Variants in EDA observed in about 807,000 individuals in gnomAD.
The protein encoded by EDA is ectodysplasin-A.
Under a neutral mutation model 23.6 loss-of-function variants are expected in EDA, and 2 were observed. The observed-to-expected ratio is 0.08, with a 90% confidence interval of 0.03 to 0.27. The LOEUF (loss-of-function observed/expected upper bound fraction) is 0.27. Ranked by LOEUF, EDA falls within the 10% of genes least tolerant of loss-of-function variation. EDA has a pLI of 1.00. For synonymous variants in EDA, 131 were observed against 132.0 expected (o/e 0.99, Z 0.05); for missense variants, 229 against 324.2 (o/e 0.71, Z 2.26).
At chrX:69,746,643 G>C (rs1404936590) in intron 1 of EDA, among the ~76,000 whole-genome samples, 1 of 111,483 alleles carries the variant, frequency 9.0e-6, no homozygotes, top group African/African-American at 3.3e-5. Context: ...GTGTTTTACA[G>C]TGAGGGAGAG....
At chrX:69,869,281 C>A (rs1452610772) in intron 1 of EDA, among the ~76,000 whole-genome samples, 1 of 110,885 alleles carries the variant, frequency 9.0e-6, no homozygotes, top group Non-Finnish European at 1.9e-5. Context: ...AGCTAAAACT[C>A]CATTGATTAC....
Position 69,789,114 on chromosome X carries a change from G to T in EDA, c.397-167913G>T, listed in dbSNP as rs190472783. Reference sequence around the variant, plus strand: ...GAAAGGGAACTCCCTGACCCCTTGCGCTTCCCAAGTGAGGCAATGCCTCGC... The same window carrying T: ...GAAAGGGAACTCCCTGACCCCTTGCTCTTCCCAAGTGAGGCAATGCCTCGC... On this transcript the variant is annotated intron_variant, in intron 1 of 7. Transcript: ENST00000374552. Among the ~76,000 whole-genome samples the T allele has an allele frequency of 4.5e-5, 5 of 112,223 alleles. No individual in the cohort carries two copies. In the South Asian group the frequency reaches 1.1e-3, roughly 25 times the overall value.
intron 1 of EDA, among the ~76,000 whole-genome samples, chrX:69,720,966 A>G (rs2012556595): frequency 9.0e-6 from 1 of 111,328 alleles, no homozygotes; most frequent in Admixed American, 9.5e-5. Flanking sequence ...ATGTTAGGTG[A>G]CTTTGGATCT....
In EDA at chrX:69,966,081, G is replaced by T. The variant is rs1209276395; in HGVS notation, c.502+8949G>T. ...AAAATAAATAAAATGGTCATGATAT[G>T]CCATTTTCTACTCATTACCTAAATA... On this transcript the variant is annotated intron_variant, in intron 2 of 7. Transcript: ENST00000374552. Among the ~76,000 whole-genome samples the T allele has an allele frequency of 5.4e-5, 6 of 111,712 alleles. No individual in the cohort carries two copies. The Admixed American group carries it at 5.7e-4, about 11-fold the overall frequency.
chrX:69,912,590 T>C (rs1226456061), intron 1 of EDA, among the ~76,000 whole-genome samples: 1 of 111,192 alleles, frequency 9.0e-6, no homozygotes, highest in East Asian at 2.8e-4. Context: ...TGACCAGGCA[T>C]ATTGTCCATG....
Position 69,929,706 on chromosome X carries a change from TTGTGTGTGTG to T in EDA, c.397-27282_397-27273del, listed in dbSNP as rs4007701. Among the ~76,000 whole-genome samples, 150 of 84,334 alleles carry T rather than the reference TTGTGTGTGTG, an allele frequency of 1.8e-3. 1 individual carries two copies. The highest frequency in any genetic ancestry group is 5.9e-3 in the African/African-American group (132 of 22,255). The allele number at this position is 84,334 out of a possible 115,157, so 73.2% of individuals were successfully genotyped here. A position where few individuals can be genotyped will look rare whatever the true frequency, so the allele number is the denominator to read the frequency against. ...GAAAACACTTCACTTCATTCTATTT[TTGTGTGTGTG>T]TGTGTGTGTGTGTGTGTGTGTGTGT... On this transcript the variant is annotated intron_variant, in intron 1 of 7. Coordinates refer to ENST00000374552, the MANE Select transcript of EDA (RefSeq NM_001399.5).
At chrX:70,023,914 G>A (rs1478122579) in intron 3 of EDA, among the ~76,000 whole-genome samples, 1 of 111,710 alleles carries the variant, frequency 9.0e-6, no homozygotes, top group Admixed American at 9.5e-5. Flanking sequence ...TGCCGTTGTT[G>A]GGTCAGTAAG....
At chrX:69,850,022 A>T (rs899535050) in intron 1 of EDA, among the ~76,000 whole-genome samples, 1 of 112,159 alleles carries the variant, frequency 8.9e-6, no homozygotes, top group African/African-American at 3.2e-5. Context: ...GTACATAATG[A>T]TTAATGATGT....
At chrX:70,034,832 G>T (rs779214658) in intron 7 of EDA, among the ~76,000 whole-genome samples, 35 of 111,975 alleles carry the variant, frequency 3.1e-4, no homozygotes, top group African/African-American at 1.1e-3. Flanking sequence ...GGGAGTCCAG[G>T]CCCAGGGGAG....
chrX:69,808,891 A>G (rs1315539806), intron 1 of EDA, among the ~76,000 whole-genome samples: 2 of 112,057 alleles, frequency 1.8e-5, no homozygotes. Context: ...GCAGTAGCCC[A>G]CTGTTAAGTG....
At chrX:69,722,159 A>G (rs907167551) in intron 1 of EDA, among the ~76,000 whole-genome samples, 1 of 110,222 alleles carries the variant, frequency 9.1e-6, no homozygotes. Flanking sequence ...TCTTCAACTC[A>G]TGTTTTCTGT....
At chrX:69,916,909 G>C (rs1224115630) in intron 1 of EDA, among the ~76,000 whole-genome samples, 2 of 110,035 alleles carry the variant, frequency 1.8e-5, no homozygotes, top group African/African-American at 3.3e-5. Flanking sequence ...TTGTTCTCCT[G>C]GTCCTACAAC....
intron 1 of EDA, among the ~76,000 whole-genome samples, chrX:69,875,382 A>C (rs776965125): frequency 2.7e-5 from 3 of 112,078 alleles, no homozygotes; most frequent in Non-Finnish European, 5.6e-5. Flanking sequence ...AAGTGGGGAA[A>C]GAACACCCTA....
chrX:69,688,537 A>T (rs1934612661), intron 1 of EDA, among the ~76,000 whole-genome samples: 1 of 111,049 alleles, frequency 9.0e-6, no homozygotes, highest in African/African-American at 3.3e-5. Context: ...AGTAGCTGAG[A>T]TTACAGGCAT....
At chrX:69,626,561 A>G (rs892792283) in intron 1 of EDA, among the ~76,000 whole-genome samples, 1 of 112,117 alleles carries the variant, frequency 8.9e-6, no homozygotes, top group Admixed American at 9.5e-5. Flanking sequence ...ACCACATTGT[A>G]TGATTCCATT....
chrX:69,865,360 G>A (rs1372112364), intron 1 of EDA, among the ~76,000 whole-genome samples: 2 of 110,345 alleles, frequency 1.8e-5, no homozygotes, highest in Non-Finnish European at 3.8e-5. Context: ...CCCACAATAG[G>A]TTATTTGCAA....
At chrX:69,828,274 C>A (rs1419602359) in intron 1 of EDA, among the ~76,000 whole-genome samples, 1 of 112,314 alleles carries the variant, frequency 8.9e-6, no homozygotes, top group Non-Finnish European at 1.9e-5. Context: ...CAAGCCTGGG[C>A]AATGGTGGGC....
chrX:69,946,158 C>A (rs1478179934), intron 1 of EDA, among the ~76,000 whole-genome samples: 1 of 111,439 alleles, frequency 9.0e-6, no homozygotes, highest in African/African-American at 3.3e-5. Context: ...CTGTTTTTCC[C>A]AATCCTCGGG....
At chrX:69,948,627 T>C (rs2018868795) in intron 1 of EDA, among the ~76,000 whole-genome samples, 1 of 112,378 alleles carries the variant, frequency 8.9e-6, no homozygotes, top group South Asian at 3.7e-4. Flanking sequence ...ATACTGTGCT[T>C]CTATTGTTGT....
Sources: gnomAD v4.1 joint callset for allele counts (sites outside exome capture counted in the v4.1 genomes callset) on GRCh38, gnomAD v4.1.1 for gene constraint, MANE v1.5 for transcripts, NCBI Gene and HGNC (gene_info 2026-07-23, HGNC 2026-07-21) for gene names.